Variants in KCNQ3 observed in about 807,000 individuals in gnomAD.
KCNQ3 encodes the protein potassium voltage-gated channel subfamily KQT member 3.
KCNQ3 carries 30 observed loss-of-function variants against 92.5 expected under a neutral mutation model. That is an observed-to-expected ratio of 0.32 (90% CI 0.24 to 0.44). The LOEUF (loss-of-function observed/expected upper bound fraction) is 0.44, where lower values mean the gene tolerates loss of function less well. Ranked by LOEUF, KCNQ3 falls within the 20% of genes least tolerant of loss-of-function variation. The pLI is 1.00. For synonymous variants in KCNQ3, 450 were observed against 468.8 expected, an observed-to-expected ratio of 0.96 and a Z score of 0.52; for missense variants, 913 against 1,140.3, an observed-to-expected ratio of 0.80 and a Z score of 2.87.
intron 1 of KCNQ3, among the ~76,000 whole-genome samples, chr8:132,316,709 A>C (rs1205155477): frequency 6.6e-6 from 1 of 152,236 alleles, no homozygotes; most frequent in Non-Finnish European, 1.5e-5. Flanking sequence ...TCCTCAGTTC[A>C]GTTCCTTTCA....
At position 132,409,434 on chromosome 8, in the gene KCNQ3, C is replaced by T. The variant is rs150061177; in HGVS notation, c.386+70713G>A. Among the ~76,000 whole-genome samples, 657 of 151,988 alleles carry T rather than the reference C, an allele frequency of 4.3e-3. 4 individuals carry two copies. The highest frequency in any genetic ancestry group is 0.014 in the Middle Eastern group (4 of 294). On this transcript the variant is annotated intron_variant, in intron 1 of 14. Transcript: ENST00000388996. ...CAAGACCCAGCTTAAGTGCCACCTC[C>T]TTGACCTAACTTCCTAGATCTCCTG...
intron 1 of KCNQ3, among the ~76,000 whole-genome samples, chr8:132,285,173 G>A (rs528938299): frequency 3.9e-5 from 6 of 152,200 alleles, no homozygotes; most frequent in Non-Finnish European, 7.3e-5. Context: ...ATGGGTCGGG[G>A]CTGAACAAAC....
intron 1 of KCNQ3, among the ~76,000 whole-genome samples, chr8:132,328,696 A>G (rs1818137122): frequency 6.6e-6 from 1 of 152,110 alleles, no homozygotes; most frequent in African/African-American, 2.4e-5. Flanking sequence ...AGTAAATACC[A>G]TTTTTTACAA....
chr8:132,236,552 C>T (rs894300206), intron 1 of KCNQ3, among the ~76,000 whole-genome samples: 1 of 152,158 alleles, frequency 6.6e-6, no homozygotes, highest in African/African-American at 2.4e-5. Flanking sequence ...TGCCAAGTCT[C>T]ATGCTCGGAA....
intron 1 of KCNQ3, among the ~76,000 whole-genome samples, chr8:132,206,170 C>A (rs910807837): frequency 1.3e-5 from 2 of 152,154 alleles, no homozygotes; most frequent in Non-Finnish European, 2.9e-5. Flanking sequence ...TAGTCCAGAG[C>A]CTACGATCTA....
At chr8:132,269,018 T>A (rs896219486) in intron 1 of KCNQ3, among the ~76,000 whole-genome samples, 1 of 152,256 alleles carries the variant, frequency 6.6e-6, no homozygotes, top group Admixed American at 6.5e-5. Flanking sequence ...TTCATATACT[T>A]ATTTGACATC....
At chr8:132,384,010 T>A (rs1261828915) in intron 1 of KCNQ3, among the ~76,000 whole-genome samples, 1 of 147,890 alleles carries the variant, frequency 6.8e-6, no homozygotes, top group African/African-American at 2.6e-5. Flanking sequence ...CAGGCCTAAC[T>A]AAGGAGAATG....
At chr8:132,331,984 C>A (rs1220565707) in intron 1 of KCNQ3, among the ~76,000 whole-genome samples, 1 of 152,202 alleles carries the variant, frequency 6.6e-6, no homozygotes. Context: ...TCCTGACAGT[C>A]ACACCCTTGT....
chr8:132,338,050 C>T (rs140848357), intron 1 of KCNQ3, among the ~76,000 whole-genome samples: 2 of 152,104 alleles, frequency 1.3e-5, no homozygotes, highest in Non-Finnish European at 1.5e-5. Flanking sequence ...CTCAGATGGT[C>T]GAAGGTTTGG....
At chr8:132,289,278 C>G (rs1440741253) in intron 1 of KCNQ3, among the ~76,000 whole-genome samples, 1 of 152,180 alleles carries the variant, frequency 6.6e-6, no homozygotes. Flanking sequence ...GTTAGCACTT[C>G]TCATACATCA....
In KCNQ3 at chr8:132,129,160, A is replaced by C. The variant is rs1824766603; in HGVS notation, c.*102T>G. The C allele has an allele frequency of 7.1e-7, 1 of 1,413,690 alleles. No individual in the cohort carries two copies. The allele number at this position is 1,413,690 out of a possible 1,614,324, so 87.6% of individuals were successfully genotyped here. The stretch of plus-strand genomic sequence containing the variant: ...GCCACCACGCACACGCATGCATTTG[A>C]TGCAGCCATTGGTGTCCCCGCTGGT... On this transcript the variant is annotated 3_prime_UTR_variant, in exon 15 of 15. Transcript: ENST00000388996. This position sits in a 1 kb window ranked among gnomAD's most constrained non-coding sequence, Gnocchi z 5.9.
chr8:132,395,300 AATTACATCAT>A (rs1307580481), intron 1 of KCNQ3, among the ~76,000 whole-genome samples: 1 of 152,186 alleles, frequency 6.6e-6, no homozygotes, highest in African/African-American at 2.4e-5. Flanking sequence ...AGCAATTTGA[AATTACATCAT>A]ATTGTTAACT....
intron 9 of KCNQ3, among the ~76,000 whole-genome samples, chr8:132,142,467 G>A (rs747868698): frequency 6.6e-6 from 1 of 152,164 alleles, no homozygotes; most frequent in Non-Finnish European, 1.5e-5. Context: ...GTGACACAGA[G>A]CAGGTGCTCT....
At chr8:132,465,474 C>G (rs903112666) in intron 1 of KCNQ3, among the ~76,000 whole-genome samples, 3 of 151,144 alleles carry the variant, frequency 2.0e-5, no homozygotes, top group African/African-American at 7.3e-5. Flanking sequence ...TGCCTGTAAT[C>G]CCAGCACTTT....
At chr8:132,421,211 T>C (rs1820956727) in intron 1 of KCNQ3, among the ~76,000 whole-genome samples, 2 of 152,232 alleles carry the variant, frequency 1.3e-5, no homozygotes, top group South Asian at 4.1e-4. Flanking sequence ...GAATAATATA[T>C]TTTAAGATAT....
intron 1 of KCNQ3, among the ~76,000 whole-genome samples, chr8:132,412,671 A>G (rs1820680997): frequency 6.6e-6 from 1 of 152,108 alleles, no homozygotes; most frequent in Non-Finnish European, 1.5e-5. Context: ...GACAGGAGAG[A>G]GGCATGATGA....
chr8:132,424,524 G>A (rs1042569845), intron 1 of KCNQ3, among the ~76,000 whole-genome samples: 1 of 152,222 alleles, frequency 6.6e-6, no homozygotes, highest in Non-Finnish European at 1.5e-5. Context: ...CAGGGCTCTG[G>A]GGACTCAGGC....
At position 132,364,063 on chromosome 8, in the gene KCNQ3, T is replaced by C. The variant is rs746201477; in HGVS notation, c.386+116084A>G. Among the ~76,000 whole-genome samples, 37 of 152,106 alleles carry C rather than the reference T, an allele frequency of 2.4e-4. 1 individual carries two copies. The highest frequency in any genetic ancestry group is 2.5e-4 in the Non-Finnish European group (17 of 68,028). On this transcript the variant is annotated intron_variant, in intron 1 of 14. Coordinates refer to ENST00000388996, the MANE Select transcript of KCNQ3 (RefSeq NM_004519.4). ...TGACCCTGATATTTGCAGGAAAATA[T>C]TGTCCCCAAATGCCATTAGTTTCAA...
intron 1 of KCNQ3, among the ~76,000 whole-genome samples, chr8:132,307,660 A>G (rs1360478883): frequency 6.6e-6 from 1 of 152,236 alleles, no homozygotes; most frequent in African/African-American, 2.4e-5. Context: ...GTACTCACTC[A>G]TAAGTGTTTG....
Sources: allele counts gnomAD v4.1 joint callset (sites outside exome capture counted in the v4.1 genomes callset), GRCh38; gene constraint gnomAD v4.1.1; non-coding constraint Gnocchi (gnomAD v3.1); transcripts MANE v1.5; gene names NCBI Gene and HGNC (gene_info 2026-07-23, HGNC 2026-07-21).